CELF5: variants seen among roughly 807,000 people sequenced by gnomAD.
CELF5 encodes CUG-BP and ETR-3 like factor 5.
A neutral mutation model predicts 54.9 loss-of-function variants in CELF5; 6 were observed. The observed-to-expected ratio is 0.11, with a 90% confidence interval of 0.06 to 0.22. The LOEUF is 0.22. Among genes scored for constraint, CELF5 ranks in the 10% least tolerant of loss-of-function variants. The probability of loss-of-function intolerance (pLI) is 1.00; values close to 1 mark genes in which losing one functional copy is unlikely to be tolerated. For missense variants in CELF5, 401 were observed against 678.6 expected (o/e 0.59, Z 4.54); for synonymous variants, 271 against 290.9 (o/e 0.93, Z 0.70).
chr19:3,263,214 T>A (rs1391421959), intron 2 of CELF5, among the ~76,000 whole-genome samples: 1 of 127,228 alleles, frequency 7.9e-6, no homozygotes, highest in Non-Finnish European at 1.6e-5. Context: ...GCCATTGCAC[T>A]CCAGCCTGGG....
intron 1 of CELF5, among the ~76,000 whole-genome samples, chr19:3,231,188 AG>A (rs1327015920): frequency 3.9e-5 from 6 of 152,184 alleles, no homozygotes; most frequent in African/African-American, 1.4e-4. Context: ...AAGCTCTAGG[AG>A]GGCAGAAATT....
At chr19:3,225,069 C>A (rs1176171921) in intron 1 of CELF5, 71 bp downstream of exon 1, 2 of 1,042,898 alleles carry the variant, frequency 1.9e-6, no homozygotes, top group Non-Finnish European at 2.7e-6. Context: ...CATCTTCTCT[C>A]CCCCATCACC....
At chr19:3,234,247 TTC>T (rs149460217) in intron 1 of CELF5, among the ~76,000 whole-genome samples, 39 of 149,802 alleles carry the variant, frequency 2.6e-4, no homozygotes, top group African/African-American at 4.9e-4. Flanking sequence ...ATGTGGTTCG[TTC>T]TCTCTCTCTC....
chr19:3,226,003 T>C (rs1916888416), intron 1 of CELF5, among the ~76,000 whole-genome samples: 1 of 151,980 alleles, frequency 6.6e-6, no homozygotes, highest in Non-Finnish European at 1.5e-5. Context: ...GTCCGGCAAT[T>C]GTATCCCCAG....
intron 2 of CELF5, among the ~76,000 whole-genome samples, chr19:3,252,537 T>C (rs963692098): frequency 1.3e-5 from 2 of 152,124 alleles, no homozygotes; most frequent in Non-Finnish European, 2.9e-5. Context: ...CCTCCGGAAT[T>C]CTCAGGGACC....
Position 3,278,420 on chromosome 19 carries a change from CATGT to C in CELF5, c.603+311_603+314del, listed in dbSNP as rs1039860903. On this transcript the variant is annotated intron_variant, in intron 5 of 12. Coordinates refer to ENST00000292672, the MANE Select transcript of CELF5 (RefSeq NM_021938.4). The surrounding 1 kb of genome is among the most constrained non-coding windows in gnomAD (Gnocchi z 4.5). The stretch of plus-strand genomic sequence containing the variant: ...GTGTGAGTGTGCCCGAGACTGCATG[CATGT>C]GTGTGTGTGAGTGCGTGTTTGAGTG... Among the ~76,000 whole-genome samples the C allele has an allele frequency of 3.6e-4, 55 of 151,292 alleles. No individual in the cohort carries two copies. Among genetic ancestry groups the C allele is most frequent in the African/African-American group, 1.2e-3 (50 of 41,180 alleles).
chr19:3,224,724 C>G lies in CELF5; in HGVS notation c.-16C>G, dbSNP rs988227495. 2.3e-5 allele frequency: 26 copies of G among 1,117,604 alleles called. No homozygotes were observed. Among genetic ancestry groups the G allele is most frequent in the Middle Eastern group, 3.9e-4 (1 of 2,582 alleles). 69.2% of individuals were successfully genotyped at this position (1,117,604 alleles called of 1,614,324 possible). A position where few individuals can be genotyped will look rare whatever the true frequency, so the allele number is the denominator to read the frequency against. On this transcript the variant is annotated 5_prime_UTR_variant, in exon 1 of 13. Coordinates refer to ENST00000292672, the MANE Select transcript of CELF5 (RefSeq NM_021938.4). ...CCGCCCGCCGCCGCCGCCGCCGGCT[C>G]GGTCCCGCGCCCGCCATGGCCCGCC...
At position 3,228,717 on chromosome 19, in the gene CELF5, G is replaced by A. The variant is rs993683752; in HGVS notation, c.259+3719G>A. On this transcript the variant is annotated intron_variant, in intron 1 of 12. Transcript: ENST00000292672. The surrounding 1 kb of genome is among the most constrained non-coding windows in gnomAD (Gnocchi z 6.0). ...AGGGGGGGAGGAGGAGGCTGTAGCA[G>A]GCTGAGCTCTGAGGCGTGAGATTCC... is the stretch of plus-strand genomic sequence containing the variant. Among the ~76,000 whole-genome samples, 165 of 151,972 alleles carry A rather than the reference G, an allele frequency of 1.1e-3. No homozygotes were observed. The highest frequency in any genetic ancestry group is 3.8e-3 in the African/African-American group (159 of 41,416).
intron 10 of CELF5, among the ~76,000 whole-genome samples, chr19:3,289,656 T>C (rs1056609763): frequency 1.8e-5 from 2 of 109,830 alleles, no homozygotes; most frequent in Non-Finnish European, 3.3e-5. Flanking sequence ...CACTCCAGCC[T>C]GGGCGACAGA....
At chr19:3,232,999 G>A (rs759668200) in intron 1 of CELF5, among the ~76,000 whole-genome samples, 8 of 151,926 alleles carry the variant, frequency 5.3e-5, no homozygotes, top group Non-Finnish European at 8.8e-5. Flanking sequence ...GCTTGAACCC[G>A]GGAGGCAGAG....
chr19:3,262,514 G>T (rs992384146), intron 2 of CELF5, among the ~76,000 whole-genome samples: 1 of 152,132 alleles, frequency 6.6e-6, no homozygotes, highest in Admixed American at 6.6e-5. Flanking sequence ...CATATGGGAC[G>T]TAGACTGTTC....
At chr19:3,265,534 A>G (rs2079869952) in intron 2 of CELF5, among the ~76,000 whole-genome samples, 1 of 152,096 alleles carries the variant, frequency 6.6e-6, no homozygotes, top group African/African-American at 2.4e-5. Flanking sequence ...TTTGAGACAG[A>G]GTCTCGCTGT....
chr19:3,245,381 T>C (rs2079552732), intron 1 of CELF5, among the ~76,000 whole-genome samples: 1 of 147,804 alleles, frequency 6.8e-6, no homozygotes. Context: ...CGTGTGTGTG[T>C]ATGCATCTGT....
rs1388370393 is a variant in CELF5, at chr19:3,276,495, A to G, written c.523+511A>G. Among the ~76,000 whole-genome samples, 3 of 18,594 alleles carry G rather than the reference A, an allele frequency of 1.6e-4. No individual in the cohort carries two copies. In the East Asian group the frequency reaches 3.7e-3, roughly 23 times the overall value. The allele number at this position is 18,594 out of a possible 152,430, so 12.2% of individuals were successfully genotyped here. On this transcript the variant is annotated intron_variant, in intron 4 of 12. Transcript: ENST00000292672. ...GGCTCCAGGGGGAGAGGCCCTGGGA[A>G]GGGTCGGGGCTGAGCATATAGGGGG...
At chr19:3,285,803 C>T (rs1414189746) in intron 9 of CELF5, 139 bp from the exon 10 acceptor site, 5 of 460,750 alleles carry the variant, frequency 1.1e-5, no homozygotes, top group Non-Finnish European at 1.9e-5. Context: ...CCAAACCCTC[C>T]CCACAAAGGC....
At chr19:3,286,073 G>A (rs1403075237) in intron 10 of CELF5, 48 bp downstream of exon 10, 14 of 1,451,000 alleles carry the variant, frequency 9.6e-6, no homozygotes, top group Non-Finnish European at 1.3e-5. Flanking sequence ...CCCTCTGCCC[G>A]CCCTGTCCAC....
At chr19:3,285,023 G>GCCCCCGCCCAGGGCCCCA in intron 9 of CELF5, 59 bp downstream of exon 9, 3 of 1,268,476 alleles carry the variant, frequency 2.4e-6, no homozygotes, top group South Asian at 1.3e-5. Context: ...CTAGGGCCCC[G>GCCCCCGCCCAGGGCCCCA]CCCCCAGGGC....
At chr19:3,230,008 GTCTC>G (rs1568326744) in intron 1 of CELF5, among the ~76,000 whole-genome samples, 1 of 152,168 alleles carries the variant, frequency 6.6e-6, no homozygotes, top group African/African-American at 2.4e-5. Flanking sequence ...GTGGGCTTGT[GTCTC>G]TCTCTTTCAC....
Position 3,278,149 on chromosome 19 carries a change from G to A in CELF5, c.603+39G>A. 1 of 1,225,368 alleles carries A rather than the reference G, an allele frequency of 8.2e-7. No individual in the cohort carries two copies. The highest frequency in any genetic ancestry group is 2.3e-5 in the East Asian group (1 of 42,592). The allele number at this position is 1,225,368 out of a possible 1,614,324, so 75.9% of individuals were successfully genotyped here. On this transcript the variant is annotated intron_variant, in intron 5 of 12. Transcript: ENST00000292672. The surrounding 1 kb of genome is among the most constrained non-coding windows in gnomAD (Gnocchi z 4.5). ...GCCCTTGGCCGTGGGGGTGGGGGTG[G>A]GAAAGGGGTGAGGGGGACAGGGATG...
Sources: gnomAD v4.1 joint callset for allele counts (sites outside exome capture counted in the v4.1 genomes callset) on GRCh38, gnomAD v4.1.1 for gene constraint, Gnocchi (gnomAD v3.1) non-coding constraint, MANE v1.5 for transcripts, NCBI Gene and HGNC (gene_info 2026-07-23, HGNC 2026-07-21) for gene names.